The following ELP3 variants were observed in gnomAD, a reference collection of about 807,000 sequenced individuals.
ELP3 encodes elongator complex protein 3.
In ELP3, 56 loss-of-function variants were observed where a neutral mutation model predicts 74.9. That is an observed-to-expected ratio of 0.75 (90% CI 0.60 to 0.93). ELP3 has a LOEUF of 0.93. ELP3 is among the 40% of genes least tolerant of loss of function. The pLI is 0.00. For synonymous variants in ELP3, 222 were observed against 239.8 expected, an observed-to-expected ratio of 0.93 and a Z score of 0.68; for missense variants, 573 against 686.5, an observed-to-expected ratio of 0.83 and a Z score of 1.85.
chr8:28,108,024 ACCTGT>A, intron 5 of ELP3, 48 bp downstream of exon 5: 1 of 1,507,084 alleles, frequency 6.6e-7, no homozygotes, highest in South Asian at 1.1e-5. Context: ...ATCATGCTTT[ACCTGT>A]AGTATGGTTT....
chr8:28,181,511 G>A (rs1307897006), intron 14 of ELP3, among the ~76,000 whole-genome samples: 2 of 152,226 alleles, frequency 1.3e-5, no homozygotes, highest in Admixed American at 6.5e-5. Context: ...GTTAACAATG[G>A]AAATAGCCAC....
upstream of ELP3, among the ~76,000 whole-genome samples, chr8:28,091,141 T>C (rs1328976964): frequency 2.0e-5 from 3 of 151,984 alleles, no homozygotes; most frequent in East Asian, 3.9e-4. Flanking sequence ...CTCCTGACCT[T>C]GTGATCCGCC....
Position 28,107,962 on chromosome 8 carries a change from T to C in ELP3, c.379T>C (p.Tyr127His). The change falls in exon 5 of 15, where the codon TAC (tyrosine) becomes CAC (histidine). Residue 127 changes from tyrosine to histidine, a missense_variant. Coordinates refer to ENST00000256398, the MANE Select transcript of ELP3 (RefSeq NM_018091.6). ...TGATTTTGAGTATTCCACCCAGTCT[T>C]ACACTGGCTATGAGGTACAGTAACT... ...DSDFEYSTQS[Y>H]TGYEPTSMRA... 1 of 1,613,804 alleles carries C rather than the reference T, an allele frequency of 6.2e-7. No homozygotes were observed. The highest frequency in any genetic ancestry group is 8.5e-7 in the Non-Finnish European group (1 of 1,179,800).
At chr8:28,150,719 G>T (rs1813609454) in intron 10 of ELP3, among the ~76,000 whole-genome samples, 1 of 151,940 alleles carries the variant, frequency 6.6e-6, no homozygotes, top group African/African-American at 2.4e-5. Context: ...TATCCTGTTT[G>T]GTATTCTCTG....
At chr8:28,129,684 C>T in intron 8 of ELP3, 21 bp downstream of exon 8, 1 of 1,613,072 alleles carries the variant, frequency 6.2e-7, no homozygotes, top group Non-Finnish European at 8.5e-7. Context: ...GGCAGGTGAT[C>T]TTGCACAAGT....
intron 10 of ELP3, among the ~76,000 whole-genome samples, chr8:28,150,260 TAAG>T (rs1813590332): frequency 6.6e-6 from 1 of 152,186 alleles, no homozygotes; most frequent in South Asian, 2.1e-4. Flanking sequence ...CATTTTAAAA[TAAG>T]AAAAAGGAAA....
At chr8:28,188,040 G>A (rs1234167066) in intron 14 of ELP3, among the ~76,000 whole-genome samples, 1 of 152,184 alleles carries the variant, frequency 6.6e-6, no homozygotes, top group Non-Finnish European at 1.5e-5. Context: ...AGCTAGAGGA[G>A]AATCAGGAGA....
Position 28,141,984 on chromosome 8 carries a change from G to A in ELP3, c.1100+4093G>A, listed in dbSNP as rs139634477. Among the ~76,000 whole-genome samples the A allele has an allele frequency of 1.5e-3, 234 of 152,230 alleles. 3 individuals are homozygous for A. The East Asian group carries it at 0.03, about 20-fold the overall frequency. ...ATTTGCATTTTCTCCCTTCGTTTTC[G>A]GCTTAAATTTCTTTCTGCTGTAACC... On this transcript the variant is annotated intron_variant, in intron 10 of 14. Coordinates refer to ENST00000256398, the MANE Select transcript of ELP3 (RefSeq NM_018091.6).
intron 14 of ELP3, among the ~76,000 whole-genome samples, chr8:28,182,836 T>C (rs1387067372): frequency 6.6e-6 from 1 of 152,186 alleles, no homozygotes; most frequent in Non-Finnish European, 1.5e-5. Flanking sequence ...GCAGAGGATT[T>C]CTTTCTCATC....
At chr8:28,187,216 C>A (rs34685539) in intron 14 of ELP3, among the ~76,000 whole-genome samples, 66,160 of 152,028 alleles carry the variant, frequency 0.44, 15,567 homozygotes, top group Middle Eastern at 0.57. Context: ...GGGTACTTTT[C>A]ACCACTGTGA....
chr8:28,090,904 CTTTTT>C (rs71222535), upstream of ELP3, among the ~76,000 whole-genome samples: 1 of 77,388 alleles, frequency 1.3e-5, no homozygotes. Flanking sequence ...TAAATGTTTC[CTTTTT>C]TTTTTTTTTT....
chr8:28,101,597 T>G (rs1403119012), intron 3 of ELP3, among the ~76,000 whole-genome samples: 1 of 151,788 alleles, frequency 6.6e-6, no homozygotes, highest in African/African-American at 2.4e-5. Flanking sequence ...TTTCTTTTTT[T>G]TTTTTTTTAC....
intron 7 of ELP3, among the ~76,000 whole-genome samples, chr8:28,127,352 G>A (rs923235630): frequency 1.3e-5 from 2 of 152,084 alleles, no homozygotes; most frequent in Non-Finnish European, 2.9e-5. Context: ...CACCACGCTT[G>A]CTAACTTAAT....
At chr8:28,113,203 CA>C (rs1427765218) in intron 7 of ELP3, 30 bp downstream of exon 7, 1 of 1,595,262 alleles carries the variant, frequency 6.3e-7, no homozygotes, top group African/African-American at 1.3e-5. Flanking sequence ...TCATAGTCTC[CA>C]GAGTGGTTGT....
chr8:28,176,925 T>G (rs1399651670), intron 14 of ELP3, among the ~76,000 whole-genome samples: 2 of 151,932 alleles, frequency 1.3e-5, no homozygotes, highest in African/African-American at 4.8e-5. Flanking sequence ...TAGGCCAGAC[T>G]CCCTGAAAGA....
rs997850661 is a variant in ELP3 at position 28,110,511 on chromosome 8, C to T, written c.462+73C>T. On this transcript the variant is annotated intron_variant, in intron 6 of 14. Coordinates refer to ENST00000256398, the MANE Select transcript of ELP3 (RefSeq NM_018091.6). ...AGTAAGAAGCCATTGTTGCTTGATT[C>T]AAATTGAACCTGAAATAAGAATGAA... 6 of 1,220,756 alleles carry T rather than the reference C, an allele frequency of 4.9e-6. No homozygotes were observed. In the African/African-American group the frequency reaches 7.7e-5, roughly 16 times the overall value. 75.6% of individuals were successfully genotyped at this position (1,220,756 alleles called of 1,614,324 possible).
chr8:28,112,019 A>C (rs1014948119), intron 6 of ELP3, among the ~76,000 whole-genome samples: 1 of 152,148 alleles, frequency 6.6e-6, no homozygotes, highest in African/African-American at 2.4e-5. Context: ...GTTTTTTGCC[A>C]TTTTCAGAAA....
intron 10 of ELP3, among the ~76,000 whole-genome samples, chr8:28,151,914 C>T (rs1275587305): frequency 6.6e-6 from 1 of 152,146 alleles, no homozygotes; most frequent in East Asian, 1.9e-4. Flanking sequence ...AGGTAAATCT[C>T]ACAATATTGT....
chr8:28,172,124 C>T (rs906296566), intron 14 of ELP3, among the ~76,000 whole-genome samples: 8 of 151,984 alleles, frequency 5.3e-5, no homozygotes, highest in Admixed American at 1.3e-4. Flanking sequence ...TTGTTTTTGG[C>T]GATCCCGGGT....
Sources: allele counts gnomAD v4.1 joint callset (sites outside exome capture counted in the v4.1 genomes callset), GRCh38; gene constraint gnomAD v4.1.1; transcripts MANE v1.5; gene names NCBI Gene and HGNC (gene_info 2026-07-23, HGNC 2026-07-21).